The following ASB18 variants were observed in gnomAD, a reference collection of about 807,000 sequenced individuals.
ASB18 encodes the protein ankyrin repeat and SOCS box containing 18, also known as ankyrin repeat and SOCS box protein 18.
ASB18 carries 33 observed loss-of-function variants against 33.4 expected under a neutral mutation model. The ratio of observed to expected loss-of-function variants is 0.99; its 90% CI spans 0.75 to 1.32. ASB18 has a LOEUF of 1.32. Ranked by LOEUF, ASB18 falls within the 40% of genes most tolerant of loss-of-function variation. The probability of loss-of-function intolerance (pLI) is 0.00; values close to 1 mark genes in which losing one functional copy is unlikely to be tolerated. For synonymous variants in ASB18, 295 were observed against 307.6 expected, an observed-to-expected ratio of 0.96 and a Z score of 0.43; for missense variants, 694 against 655.5, an observed-to-expected ratio of 1.06 and a Z score of -0.64.
chr2:236,227,792 A>G (rs897814880), intron 3 of ASB18, among the ~76,000 whole-genome samples: 3 of 152,228 alleles, frequency 2.0e-5, no homozygotes, highest in Non-Finnish European at 2.9e-5. Context: ...ACTTTCTGGT[A>G]GAAATCCACT....
intron 4 of ASB18, among the ~76,000 whole-genome samples, chr2:236,202,267 AC>A (rs1431246666): frequency 1.3e-5 from 2 of 151,826 alleles, no homozygotes; most frequent in Non-Finnish European, 2.9e-5. Flanking sequence ...TTAAATTTTA[AC>A]CTTTTGTTTC....
chr2:236,235,514 A>T lies in ASB18; in HGVS notation c.596+2175T>A, dbSNP rs1476109550. Among the ~76,000 whole-genome samples, 3 of 152,254 alleles carry T rather than the reference A, an allele frequency of 2.0e-5. No individual in the cohort carries two copies. The highest frequency in any genetic ancestry group is 4.4e-5 in the Non-Finnish European group (3 of 68,052). On this transcript the variant is annotated intron_variant, in intron 3 of 5. Transcript: ENST00000409749. The surrounding 1 kb of genome is among the most constrained non-coding windows in gnomAD (Gnocchi z 6.2). ...AAGTAAGTTCATGAAACAATGCTCA[A>T]CATCGCTAGTTACCAGGGAAATGAA... is the stretch of plus-strand genomic sequence containing the variant.
rs79507808 is a variant in ASB18, at chr2:236,209,969, C to T, written c.1101+4393G>A. Reference sequence around the variant, plus strand: ...AGATAAGCCTTCAGCCTTCAGATCTCGGCTCACTCATCACACACTTGAGGG... The same window carrying T: ...AGATAAGCCTTCAGCCTTCAGATCTTGGCTCACTCATCACACACTTGAGGG... On this transcript the variant is annotated intron_variant, in intron 4 of 5. Coordinates refer to ENST00000409749, the MANE Select transcript of ASB18 (RefSeq NM_212556.4). The surrounding 1 kb of genome is among the most constrained non-coding windows in gnomAD (Gnocchi z 4.4). Among the ~76,000 whole-genome samples, 730 of 152,342 alleles carry T rather than the reference C, an allele frequency of 4.8e-3. 10 individuals are homozygous for T. Among genetic ancestry groups the T allele is most frequent in the African/African-American group, 0.017 (700 of 41,578 alleles).
rs140610843 is a variant in ASB18 at position 236,245,024 on chromosome 2, G to A, written c.206-3622C>T. ...CGTTTGGCAGTCTATGATGCAGGGGGATAAGGGACAGAGGCTGTGCTGTGA... is the reference window on the plus strand; with the variant it reads ...CGTTTGGCAGTCTATGATGCAGGGGAATAAGGGACAGAGGCTGTGCTGTGA... On this transcript the variant is annotated intron_variant, in intron 1 of 5. Coordinates refer to ENST00000409749, the MANE Select transcript of ASB18 (RefSeq NM_212556.4). The surrounding 1 kb of genome is among the most constrained non-coding windows in gnomAD (Gnocchi z 4.7). Among the ~76,000 whole-genome samples the A allele has an allele frequency of 6.6e-6, 1 of 152,294 alleles. No individual in the cohort carries two copies. The highest frequency in any genetic ancestry group is 1.9e-4 in the East Asian group (1 of 5,170).
In ASB18 at chr2:236,259,718, A is replaced by T; in HGVS notation, c.205+4423T>A. ...GCAGGATGTTGGGCATCTCAGGTCC[A>T]TCCTTGCAGGAGAGCAGGTGCCTTC... is the stretch of plus-strand genomic sequence containing the variant. On this transcript the variant is annotated intron_variant, in intron 1 of 5. Transcript: ENST00000409749. The surrounding 1 kb of genome is among the most constrained non-coding windows in gnomAD (Gnocchi z 4.4). The T allele has an allele frequency of 2.5e-6, 1 of 396,938 alleles. No individual in the cohort carries two copies. The highest frequency in any genetic ancestry group is 1.9e-5 in the South Asian group (1 of 53,634). The allele number at this position is 396,938 out of a possible 1,614,324, so 24.6% of individuals were successfully genotyped here.
In ASB18 at chr2:236,220,674, A is replaced by G. The variant is rs1311890716; in HGVS notation, c.597-5808T>C. Among the ~76,000 whole-genome samples the G allele has an allele frequency of 6.6e-6, 1 of 152,110 alleles. No individual in the cohort carries two copies. The highest frequency in any genetic ancestry group is 1.5e-5 in the Non-Finnish European group (1 of 68,020). Reference sequence around the variant, plus strand: ...GGCCAGTGACATGCATAAGGCAGGAAGTGGCAAAGCAGAGGTCTCGTTGCT... The same window carrying G: ...GGCCAGTGACATGCATAAGGCAGGAGGTGGCAAAGCAGAGGTCTCGTTGCT... On this transcript the variant is annotated intron_variant, in intron 3 of 5. Transcript: ENST00000409749. This position sits in a 1 kb window ranked among gnomAD's most constrained non-coding sequence, Gnocchi z 5.1.
At position 236,199,133 on chromosome 2, in the gene ASB18, C is replaced by T. The variant is rs370542914; in HGVS notation, c.1102-2748G>A. Among the ~76,000 whole-genome samples, 4 of 152,096 alleles carry T rather than the reference C, an allele frequency of 2.6e-5. No individual in the cohort carries two copies. In the East Asian group the frequency reaches 5.8e-4, roughly 22 times the overall value. On this transcript the variant is annotated intron_variant, in intron 4 of 5. Coordinates refer to ENST00000409749, the MANE Select transcript of ASB18 (RefSeq NM_212556.4). ...GTTGATAGAAAAAGATTTTCCAGGT[C>T]GGAAGTGGTGGCTCATGCCTGTAAT...
chr2:236,234,226 C>A lies in ASB18; in HGVS notation c.596+3463G>T, dbSNP rs951576448. On this transcript the variant is annotated intron_variant, in intron 3 of 5. Transcript: ENST00000409749. The surrounding 1 kb of genome is among the most constrained non-coding windows in gnomAD (Gnocchi z 4.1). ...AAGCTTGTAAGGAGTTGCTATAAGA[C>A]CCTTGCCCCCTCCCCTGGCTATGTC... 2.0e-5 allele frequency among the ~76,000 whole-genome samples: 3 copies of A among 152,130 alleles called. No individual in the cohort carries two copies. Among genetic ancestry groups the A allele is most frequent in the Non-Finnish European group, 4.4e-5 (3 of 68,026 alleles).
At chr2:236,258,475 C>T (rs2060703471) in intron 1 of ASB18, among the ~76,000 whole-genome samples, 2 of 152,344 alleles carry the variant, frequency 1.3e-5, no homozygotes, top group South Asian at 2.1e-4. Context: ...TACACCACAT[C>T]TTGGCACCAT....
In ASB18 at chr2:236,226,054, A is replaced by C. The variant is rs1197914637; in HGVS notation, c.597-11188T>G. Among the ~76,000 whole-genome samples the C allele has an allele frequency of 6.6e-6, 1 of 152,236 alleles. No homozygotes were observed. The highest frequency in any genetic ancestry group is 2.4e-5 in the African/African-American group (1 of 41,470). ...GCAGAGAAAGTAGCTCTTTCTTGTC[A>C]AAGTGATAATGTTTATACTACCTGA... is the stretch of plus-strand genomic sequence containing the variant. On this transcript the variant is annotated intron_variant, in intron 3 of 5. Transcript: ENST00000409749. The surrounding 1 kb of genome is among the most constrained non-coding windows in gnomAD (Gnocchi z 4.8).
intron 4 of ASB18, among the ~76,000 whole-genome samples, chr2:236,206,048 A>G (rs1263685791): frequency 6.6e-6 from 1 of 152,234 alleles, no homozygotes; most frequent in Non-Finnish European, 1.5e-5. Flanking sequence ...TAAGACTTTC[A>G]GTGCAGCTAA....
rs1173962809 is a variant in ASB18 at position 236,263,684 on chromosome 2, A to G, written c.205+457T>C. ...CGTTACAGCATTATTTATAGAAGCA[A>G]AAAGGTAACCAAATACTATCTTTTT... On this transcript the variant is annotated intron_variant, in intron 1 of 5. Coordinates refer to ENST00000409749, the MANE Select transcript of ASB18 (RefSeq NM_212556.4). The surrounding 1 kb of genome is among the most constrained non-coding windows in gnomAD (Gnocchi z 4.0). 3.3e-5 allele frequency among the ~76,000 whole-genome samples: 5 copies of G among 151,590 alleles called. No homozygotes were observed. The highest frequency in any genetic ancestry group is 7.3e-5 in the Non-Finnish European group (5 of 68,048).
chr2:236,194,788 T>A lies in ASB18; in HGVS notation c.*84A>T. 1 of 1,233,016 alleles carries A rather than the reference T, an allele frequency of 8.1e-7. No homozygotes were observed. Among genetic ancestry groups the A allele is most frequent in the Non-Finnish European group, 1.1e-6 (1 of 882,528 alleles). The allele number at this position is 1,233,016 out of a possible 1,614,324, so 76.4% of individuals were successfully genotyped here. ...GGGAAGGGAACTCCCATCACCTCCA[T>A]CTGCATCAGGGCACTCTCCAACACA... On this transcript the variant is annotated 3_prime_UTR_variant, in exon 6 of 6. Coordinates refer to ENST00000409749, the MANE Select transcript of ASB18 (RefSeq NM_212556.4). The surrounding 1 kb of genome is among the most constrained non-coding windows in gnomAD (Gnocchi z 4.5).
rs1161365249 is a variant in ASB18 at position 236,216,929 on chromosome 2, C to T, written c.597-2063G>A. Among the ~76,000 whole-genome samples, 2 of 152,082 alleles carry T rather than the reference C, an allele frequency of 1.3e-5. No homozygotes were observed. The highest frequency in any genetic ancestry group is 2.4e-5 in the African/African-American group (1 of 41,400). On this transcript the variant is annotated intron_variant, in intron 3 of 5. Coordinates refer to ENST00000409749, the MANE Select transcript of ASB18 (RefSeq NM_212556.4). This position sits in a 1 kb window ranked among gnomAD's most constrained non-coding sequence, Gnocchi z 6.1. Reference sequence around the variant, plus strand: ...GTATGGTGCTGAGAGCACACTCTGCCGTGCCATGCCCCCATGCCCTCTGCT... The same window carrying T: ...GTATGGTGCTGAGAGCACACTCTGCTGTGCCATGCCCCCATGCCCTCTGCT...
chr2:236,197,403 T>G (rs2060379316), intron 4 of ASB18, among the ~76,000 whole-genome samples: 1 of 152,242 alleles, frequency 6.6e-6, no homozygotes, highest in Admixed American at 6.5e-5. Flanking sequence ...TCATGTGACT[T>G]ACTTGTGGTG....
chr2:236,237,912 A>G lies in ASB18; in HGVS notation c.373T>C (p.Cys125Arg). The change falls in exon 3 of 6, where the codon TGC (cysteine) becomes CGC (arginine). Residue 125 changes from cysteine to arginine, a missense_variant. Physicochemically the swap from Cys to Arg is radical, Grantham distance 180 (BLOSUM62 -3). Transcript: ENST00000409749. The surrounding 1 kb of genome is among the most constrained non-coding windows in gnomAD (Gnocchi z 6.2). ...GTGTGGCCGTGGGCCGCGGCGATGC[A>G]CAGGGGCGTGGTGAGCTCACGCTTG... ...EYKRELTTPL[C>R]IAAAHGHTAC... 1 of 1,504,720 alleles carries G rather than the reference A, an allele frequency of 6.6e-7. No homozygotes were observed. Among genetic ancestry groups the G allele is most frequent in the Non-Finnish European group, 8.8e-7 (1 of 1,133,204 alleles). 93.2% of individuals were successfully genotyped at this position (1,504,720 alleles called of 1,614,324 possible). A position where few individuals can be genotyped will look rare whatever the true frequency, so the allele number is the denominator to read the frequency against.
chr2:236,209,268 A>G lies in ASB18; in HGVS notation c.1101+5094T>C, dbSNP rs953651425. ...CCAGAGATTTGCAGATGTTTCTAGA[A>G]TCTGCTTTTTTTTTTTTTTTTTAAG... On this transcript the variant is annotated intron_variant, in intron 4 of 5. Transcript: ENST00000409749. The surrounding 1 kb of genome is among the most constrained non-coding windows in gnomAD (Gnocchi z 4.4). Among the ~76,000 whole-genome samples the G allele has an allele frequency of 6.8e-6, 1 of 146,094 alleles. No individual in the cohort carries two copies. The highest frequency in any genetic ancestry group is 1.5e-5 in the Non-Finnish European group (1 of 66,634).
At chr2:236,224,196 T>G (rs1355141809) in intron 3 of ASB18, among the ~76,000 whole-genome samples, 3 of 147,938 alleles carry the variant, frequency 2.0e-5, no homozygotes, top group East Asian at 3.9e-4. Flanking sequence ...TTTTTTTTTT[T>G]TTTTTTTTTT....
chr2:236,200,463 G>A lies in ASB18; in HGVS notation c.1102-4078C>T, dbSNP rs1465326446. On this transcript the variant is annotated intron_variant, in intron 4 of 5. Transcript: ENST00000409749. The surrounding 1 kb of genome is among the most constrained non-coding windows in gnomAD (Gnocchi z 4.2). ...AACTGACAAGGGTCAGGGCAGCAAT[G>A]TGGGGTCGTGGCAGAGGTATTACCA... Among the ~76,000 whole-genome samples the A allele has an allele frequency of 6.6e-6, 1 of 152,252 alleles. No individual in the cohort carries two copies. Among genetic ancestry groups the A allele is most frequent in the Non-Finnish European group, 1.5e-5 (1 of 68,038 alleles).
Sources: allele counts gnomAD v4.1 joint callset (sites outside exome capture counted in the v4.1 genomes callset), GRCh38; gene constraint gnomAD v4.1.1; non-coding constraint Gnocchi (gnomAD v3.1); transcripts MANE v1.5; gene names NCBI Gene and HGNC (gene_info 2026-07-23, HGNC 2026-07-21).